Variants in RSF1 observed in about 807,000 individuals in gnomAD.
The protein encoded by RSF1 is HBV pX-associated protein 8.
In RSF1, 13 loss-of-function variants were observed where a neutral mutation model predicts 145.2. The ratio of observed to expected loss-of-function variants is 0.09; its 90% CI spans 0.06 to 0.14. The LOEUF is 0.14. Ranked by LOEUF, RSF1 falls within the 10% of genes least tolerant of loss-of-function variation. The pLI is 1.00. For synonymous variants in RSF1, 577 were observed against 592.6 expected (o/e 0.97, Z 0.38); for missense variants, 1,517 against 1,718.2 (o/e 0.88, Z 2.07).
At chr11:77,705,945 T>C (rs1193999774) in intron 5 of RSF1, among the ~76,000 whole-genome samples, 1 of 152,184 alleles carries the variant, frequency 6.6e-6, no homozygotes, top group Non-Finnish European at 1.5e-5. Context: ...TTTTATACTA[T>C]TTTTTATTTG....
intron 1 of RSF1, among the ~76,000 whole-genome samples, chr11:77,809,267 A>G (rs1436870762): frequency 6.6e-6 from 1 of 152,224 alleles, no homozygotes; most frequent in African/African-American, 2.4e-5. Context: ...TTTATCATGG[A>G]GTCTGGCTCA....
chr11:77,725,568 T>G lies in RSF1; in HGVS notation c.710A>C (p.Lys237Thr). ...SPSLEDEETK[K>T]EEETPKQEEQ... The stretch of plus-strand genomic sequence containing the variant: ...ACCTTGTTTAGGTGTTTCTTCCTCT[T>G]TTTTAGTCTCCTCATCCTCTAAGCT... Residue 237 changes from lysine to threonine, a missense_variant, in exon 5 of 16, where the codon AAA becomes ACA. Transcript: ENST00000308488. 1.3e-6 allele frequency: 2 copies of G among 1,581,426 alleles called. No homozygotes were observed. Among genetic ancestry groups the G allele is most frequent in the Non-Finnish European group, 1.7e-6 (2 of 1,163,930 alleles).
At chr11:77,781,003 A>G (rs905645688) in intron 1 of RSF1, among the ~76,000 whole-genome samples, 1 of 152,068 alleles carries the variant, frequency 6.6e-6, no homozygotes, top group South Asian at 2.1e-4. Flanking sequence ...TTTGCTTCAC[A>G]TGATGTTTCT....
chr11:77,860,367 T>C, the RSF1 span, among the ~76,000 whole-genome samples: 1 of 152,182 alleles, frequency 6.6e-6, no homozygotes, highest in Non-Finnish European at 1.5e-5. Context: ...TGCTTTAGGG[T>C]TTGGGATGAG....
At chr11:77,788,142 CAAAAAAAAAAAAAAAAAA>C (rs66595170) in intron 1 of RSF1, among the ~76,000 whole-genome samples, 63 of 3,436 alleles carry the variant, frequency 0.018, 2 homozygotes, top group East Asian at 0.029. Flanking sequence ...GACACTATCT[CAAAAAAAAAAAAAAAAAA>C]AAAAAAAAAA....
At chr11:77,785,744 C>T (rs180711786) in intron 1 of RSF1, among the ~76,000 whole-genome samples, 190 of 148,066 alleles carry the variant, frequency 1.3e-3, no homozygotes, top group African/African-American at 4.5e-3. Context: ...GGTGAAACCC[C>T]GTCTCTACTG....
At chr11:77,860,061 A>AG in the RSF1 span, among the ~76,000 whole-genome samples, 1 of 152,212 alleles carries the variant, frequency 6.6e-6, no homozygotes, top group Non-Finnish European at 1.5e-5. Flanking sequence ...TTTCTTACTC[A>AG]GGTATGCCAC....
chr11:77,698,747 A>G, intron 6 of RSF1, 54 bp from the exon 7 acceptor site: 1 of 1,452,782 alleles, frequency 6.9e-7, no homozygotes, highest in Non-Finnish European at 9.6e-7. Flanking sequence ...GTCTTTTAAA[A>G]ATCTCCTGAT....
rs149849028 is a variant in RSF1, at chr11:77,675,106, T to C, written c.3492A>G (p.Arg1164=). 145 of 1,614,158 alleles carry C rather than the reference T, an allele frequency of 9.0e-5. No individual in the cohort carries two copies. The African/African-American group carries it at 1.9e-3, about 21-fold the overall frequency. The change falls in exon 14 of 16, where the codon AGA becomes AGG. Residue 1164 remains arginine (R), a synonymous_variant. Transcript: ENST00000308488. ...CGGAATATTTTTTCTTTGGGGTCTT[T>C]CTTCGCAAACGCCTGCTCTGCCTCA... ...RPMRQSRRLR[R]KTPKKKYSDD...
chr11:77,773,199 G>A lies in RSF1; in HGVS notation c.188-8510C>T, dbSNP rs182687430. 1.3e-3 allele frequency among the ~76,000 whole-genome samples: 192 copies of A among 152,228 alleles called. 1 individual carries two copies. Among genetic ancestry groups the A allele is most frequent in the African/African-American group, 4.5e-3 (185 of 41,540 alleles). On this transcript the variant is annotated intron_variant, in intron 1 of 15. Coordinates refer to ENST00000308488, the MANE Select transcript of RSF1 (RefSeq NM_016578.4). ...ACCATACAACTCATCCACTTAAAGT[G>A]TACCATCCAATGGCTTTTAGTGTAT...
chr11:77,669,628 T>A (rs1232043203), intron 15 of RSF1, among the ~76,000 whole-genome samples: 1 of 152,234 alleles, frequency 6.6e-6, no homozygotes, highest in Non-Finnish European at 1.5e-5. Flanking sequence ...TCAATAGCCA[T>A]ATGAGGTTAG....
intron 5 of RSF1, among the ~76,000 whole-genome samples, chr11:77,705,705 C>T (rs1174989904): frequency 6.6e-6 from 1 of 152,098 alleles, no homozygotes; most frequent in African/African-American, 2.4e-5. Flanking sequence ...CTTTTCCCTT[C>T]TTTGGGTCCA....
chr11:77,675,592 A>G (rs1959680102), intron 13 of RSF1, among the ~76,000 whole-genome samples: 1 of 152,028 alleles, frequency 6.6e-6, no homozygotes. Flanking sequence ...TGGCACCATC[A>G]CTCATCCGGT....
chr11:77,777,664 T>C (rs1463704793), intron 1 of RSF1, among the ~76,000 whole-genome samples: 1 of 152,074 alleles, frequency 6.6e-6, no homozygotes, highest in African/African-American at 2.4e-5. Flanking sequence ...GAGACCTTAA[T>C]GACATTTTTA....
chr11:77,814,162 T>C (rs1261956474), intron 1 of RSF1, among the ~76,000 whole-genome samples: 1 of 148,352 alleles, frequency 6.7e-6, no homozygotes, highest in Non-Finnish European at 1.5e-5. Context: ...ATCGCGCCAC[T>C]GCACTCCAGC....
At chr11:77,761,401 C>T (rs540206687) in intron 2 of RSF1, among the ~76,000 whole-genome samples, 118 of 151,410 alleles carry the variant, frequency 7.8e-4, no homozygotes, top group Middle Eastern at 6.8e-3. Context: ...TTTTAAACTC[C>T]TATTTACTTA....
chr11:77,710,893 T>C (rs1343466688), intron 5 of RSF1, among the ~76,000 whole-genome samples: 3 of 152,194 alleles, frequency 2.0e-5, no homozygotes, highest in African/African-American at 7.2e-5. Flanking sequence ...TAACATGGCT[T>C]TGATAACTTC....
Position 77,714,620 on chromosome 11 carries a change from T to C in RSF1, c.733+10925A>G, listed in dbSNP as rs112847596. Among the ~76,000 whole-genome samples, 1,502 of 152,280 alleles carry C rather than the reference T, an allele frequency of 9.9e-3. 21 individuals are homozygous for C. The highest frequency in any genetic ancestry group is 0.011 in the Non-Finnish European group (752 of 68,006). ...ACTTTGGGAGGCCGAGACAGGCAGA[T>C]CACTTGAGCGCAGGAGTTTGAGACC... is the stretch of plus-strand genomic sequence containing the variant. On this transcript the variant is annotated intron_variant, in intron 5 of 15. Coordinates refer to ENST00000308488, the MANE Select transcript of RSF1 (RefSeq NM_016578.4).
intron 1 of RSF1, among the ~76,000 whole-genome samples, chr11:77,788,096 C>G (rs1341804860): frequency 8.3e-6 from 1 of 119,800 alleles, no homozygotes; most frequent in African/African-American, 3.2e-5. Flanking sequence ...GAGCCAAGAT[C>G]ACACCACTGT....
Sources: allele counts gnomAD v4.1 joint callset (sites outside exome capture counted in the v4.1 genomes callset), GRCh38; gene constraint gnomAD v4.1.1; transcripts MANE v1.5; gene names NCBI Gene and HGNC (gene_info 2026-07-23, HGNC 2026-07-21).